AXL: variants seen among roughly 807,000 people sequenced by gnomAD.
The protein encoded by AXL is tyrosine-protein kinase receptor UFO.
Under a neutral mutation model 104.5 loss-of-function variants are expected in AXL, and 52 were observed. The ratio of observed to expected loss-of-function variants is 0.50; its 90% CI spans 0.40 to 0.63. The LOEUF (loss-of-function observed/expected upper bound fraction) is 0.63, where lower values mean the gene tolerates loss of function less well. Among genes scored for constraint, AXL ranks in the 20% least tolerant of loss-of-function variants. The pLI is 0.00. For synonymous variants in AXL, 455 were observed against 473.7 expected (o/e 0.96, Z 0.51); for missense variants, 1,024 against 1,188.5 (o/e 0.86, Z 2.04).
intron 4 of AXL, among the ~76,000 whole-genome samples, chr19:41,224,665 G>A (rs780412772): frequency 1.1e-4 from 17 of 152,046 alleles, no homozygotes; most frequent in East Asian, 1.9e-4. Flanking sequence ...ATTTACAGGC[G>A]TGAGCCACTG....
At position 41,239,212 on chromosome 19, in the gene AXL, G is replaced by A. The variant is rs2122237645; in HGVS notation, c.1183G>A (p.Gly395Arg). ...GCAAGAGGTGACCCTGGAGCTGCAG[G>A]GGGACGGGTCTGTGTCCAATCTGAC... is the stretch of plus-strand genomic sequence containing the variant. ...LRQEVTLELQGDGSVSNLTVC... is the reference protein window; with the variant it reads ...LRQEVTLELQRDGSVSNLTVC... Residue 395 changes from glycine to arginine, a missense_variant, in exon 9 of 20, where the codon GGG (glycine) becomes AGG (arginine). Transcript: ENST00000301178. 6.2e-7 allele frequency: 1 copy of A among 1,613,216 alleles called. No individual in the cohort carries two copies. Among genetic ancestry groups the A allele is most frequent in the Non-Finnish European group, 8.5e-7 (1 of 1,179,530 alleles).
intron 19 of AXL, among the ~76,000 whole-genome samples, chr19:41,258,702 C>A (rs2034491449): frequency 6.6e-6 from 1 of 152,260 alleles, no homozygotes; most frequent in Non-Finnish European, 1.5e-5. Context: ...AGGCATGAGC[C>A]TCCACGCCCA....
Position 41,219,327 on chromosome 19 carries a change from GGA to G in AXL, c.-65_-64del. The G allele has an allele frequency of 6.8e-7, 1 of 1,481,396 alleles. No individual in the cohort carries two copies. Among genetic ancestry groups the G allele is most frequent in the South Asian group, 1.2e-5 (1 of 81,040 alleles). The allele number at this position is 1,481,396 out of a possible 1,614,324, so 91.8% of individuals were successfully genotyped here. On this transcript the variant is annotated 5_prime_UTR_variant, in exon 1 of 20. Transcript: ENST00000301178. ...AGCCTGGAGCTGGGGGGAGGGCCGG[GGA>G]CAGCCCGGCCCTGCCCCCTCCCCCG...
rs71175697 is a variant in AXL at position 41,235,369 on chromosome 19, AATAGATAGATAGATAGATAG to A, written c.784-2551_784-2532del. Among the ~76,000 whole-genome samples the A allele has an allele frequency of 7.6e-4, 61 of 80,676 alleles. 1 individual carries two copies. Among genetic ancestry groups the A allele is most frequent in the East Asian group, 6.8e-3 (21 of 3,092 alleles). 52.9% of individuals were successfully genotyped at this position (80,676 alleles called of 152,430 possible). A position where few individuals can be genotyped will look rare whatever the true frequency, so the allele number is the denominator to read the frequency against. ...TCCATCTCAAATAAATAAATAAATA[AATAGATAGATAGATAGATAG>A]ATAGATAGATAGATAGATAGATAAT... On this transcript the variant is annotated intron_variant, in intron 6 of 19. Coordinates refer to ENST00000301178, the MANE Select transcript of AXL (RefSeq NM_021913.5).
intron 10 of AXL, among the ~76,000 whole-genome samples, chr19:41,242,261 G>T (rs1599735806): frequency 6.8e-6 from 1 of 147,984 alleles, no homozygotes; most frequent in African/African-American, 2.5e-5. Context: ...CTTGAACCCT[G>T]AACCCTCAGG....
At position 41,249,411 on chromosome 19, in the gene AXL, T is replaced by C. The variant is rs1268817875; in HGVS notation, c.1711+591T>C. Among the ~76,000 whole-genome samples, 9 of 152,174 alleles carry C rather than the reference T, an allele frequency of 5.9e-5. No homozygotes were observed. The East Asian group carries it at 1.7e-3, about 29-fold the overall frequency. Reference sequence around the variant, plus strand: ...CAGAGGTTGCAGTCAGCTATGATCATGCCACTGCACTCCAATCTGGGTGAC... The same window carrying C: ...CAGAGGTTGCAGTCAGCTATGATCACGCCACTGCACTCCAATCTGGGTGAC... On this transcript the variant is annotated intron_variant, in intron 14 of 19. Coordinates refer to ENST00000301178, the MANE Select transcript of AXL (RefSeq NM_021913.5).
At position 41,252,975 on chromosome 19, in the gene AXL, G is replaced by T; in HGVS notation, c.1926+8G>T. 6.2e-7 allele frequency: 1 copy of T among 1,613,964 alleles called. No individual in the cohort carries two copies. Among genetic ancestry groups the T allele is most frequent in the East Asian group, 2.2e-5 (1 of 44,886 alleles). ...CTCGGGGACCAGCCAGTGGTAAGGG[G>T]CGTTTAATCATTCAGTCTACAAATA... On this transcript the variant is annotated splice_region_variant and intron_variant, in intron 16 of 19. Transcript: ENST00000301178.
intron 13 of AXL, 66 bp downstream of exon 13, chr19:41,248,675 A>G (rs1278917995): frequency 1.2e-6 from 2 of 1,611,324 alleles, no homozygotes; most frequent in Non-Finnish European, 1.7e-6. Flanking sequence ...CCACACTCCC[A>G]CCCAACTATA....
chr19:41,238,480 C>T lies in AXL; in HGVS notation c.1005C>T (p.Gly335=), dbSNP rs1832408222. 1.2e-6 allele frequency: 2 copies of T among 1,610,806 alleles called. No individual in the cohort carries two copies. Among genetic ancestry groups the T allele is most frequent in the Non-Finnish European group, 1.7e-6 (2 of 1,177,492 alleles). ...TTCCCTGTCCTCCAGTGCCCCTGGG[C>T]CCCCCTGAGAACATTAGTGCTACGC... is the stretch of plus-strand genomic sequence containing the variant. ...PVETPEGVPL[G]PPENISATRN... is the part of the protein sequence containing the mutation. Residue 335 remains glycine (G), a synonymous_variant, in exon 8 of 20, where the codon GGC becomes GGT. Transcript: ENST00000301178.
In AXL at chr19:41,238,142, A is replaced by G; in HGVS notation, c.982A>G (p.Thr328Ala). Residue 328 changes from threonine (T) to alanine (A), a missense_variant, in exon 7 of 20, where the codon ACG (threonine) becomes GCG (alanine). This residue lies in a region of AXL where 332 missense variants were observed against 343.9 expected (regional missense o/e 0.97). Transcript: ENST00000301178. ...SSWTHWLPVE[T>A]PEGVPLGPPE... ...CTGGACCCACTGGCTTCCTGTGGAG[A>G]CGCCGGAGGGAGGTAAGAAGGGTTG... 6.2e-7 allele frequency: 1 copy of G among 1,613,776 alleles called. No homozygotes were observed. The highest frequency in any genetic ancestry group is 8.5e-7 in the Non-Finnish European group (1 of 1,179,928).
At chr19:41,242,779 A>T (rs2034205541) in intron 10 of AXL, 104 bp from the exon 11 acceptor site, 16 of 1,456,338 alleles carry the variant, frequency 1.1e-5, no homozygotes, top group Non-Finnish European at 1.5e-5. Context: ...GTATGTGCAC[A>T]TCTTTGCCGA....
At chr19:41,252,247 T>C in intron 14 of AXL, 104 bp from the exon 15 acceptor site, 1 of 966,680 alleles carries the variant, frequency 1.0e-6, no homozygotes, top group Admixed American at 2.0e-5. Flanking sequence ...TCATGTTTGA[T>C]GAAGATGAGT....
At chr19:41,239,629 T>C in intron 9 of AXL, 65 bp from the exon 10 acceptor site, 1 of 1,600,212 alleles carries the variant, frequency 6.2e-7, no homozygotes, top group Non-Finnish European at 8.6e-7. Context: ...CCTTACTCCC[T>C]TACCCGTGCC....
intron 12 of AXL, 114 bp downstream of exon 12, chr19:41,243,821 C>A: frequency 1.2e-6 from 1 of 813,352 alleles, no homozygotes; most frequent in Non-Finnish European, 2.1e-6. Context: ...CCTTGGGATA[C>A]TAGAATGTCA....
chr19:41,238,422 G>A (rs376067926), intron 7 of AXL, 48 bp from the exon 8 acceptor site: 17 of 1,590,694 alleles, frequency 1.1e-5, no homozygotes, highest in East Asian at 9.0e-5. Flanking sequence ...AGGGGAGGGG[G>A]TCAGGAAGAG....
chr19:41,239,836 A>C, intron 10 of AXL, 116 bp downstream of exon 10: 1 of 1,423,364 alleles, frequency 7.0e-7, no homozygotes, highest in Non-Finnish European at 9.9e-7. Context: ...CATCACTCTA[A>C]CCTACTTCTT....
At chr19:41,236,204 A>C (rs527568180) in intron 6 of AXL, among the ~76,000 whole-genome samples, 112 of 152,064 alleles carry the variant, frequency 7.4e-4, no homozygotes, top group Admixed American at 2.8e-3. Flanking sequence ...ATGGTGGCAC[A>C]TGACTGTAGC....
chr19:41,238,595 C>T lies in AXL; in HGVS notation c.1120C>T (p.Gln374Ter). ...LLGYRLAYQG[Q>*]DTPEVLMDIG... ...AGGGTACCGGCTGGCGTATCAAGGC[C>T]AGGACACCCCAGAGGTGGGTGCTGC... Residue 374 changes from glutamine to a stop codon, truncating the protein, a stop_gained, in exon 8 of 20, where the codon CAG (glutamine) becomes TAG (stop). Coordinates refer to ENST00000301178, the MANE Select transcript of AXL (RefSeq NM_021913.5). LOFTEE classifies it high-confidence loss of function. 4 of 1,610,708 alleles carry T rather than the reference C, an allele frequency of 2.5e-6. No individual in the cohort carries two copies. The highest frequency in any genetic ancestry group is 3.4e-6 in the Non-Finnish European group (4 of 1,177,850).
rs1400494539 is a variant in AXL, at chr19:41,237,927, C to A, written c.784-17C>A. 3 of 1,610,796 alleles carry A rather than the reference C, an allele frequency of 1.9e-6. No homozygotes were observed. The highest frequency in any genetic ancestry group is 2.5e-6 in the Non-Finnish European group (3 of 1,177,086). Reference sequence around the variant, plus strand: ...ATTGCTTGGCTGTCCCGTCCTCACACCCTTGCCTCTCCTCAGGCTGTGCTG... The same window carrying A: ...ATTGCTTGGCTGTCCCGTCCTCACAACCTTGCCTCTCCTCAGGCTGTGCTG... On this transcript the variant is annotated splice_polypyrimidine_tract_variant and intron_variant, in intron 6 of 19. Transcript: ENST00000301178.
Sources: allele counts gnomAD v4.1 joint callset (sites outside exome capture counted in the v4.1 genomes callset), GRCh38; gene constraint gnomAD v4.1.1; regional missense constraint gnomAD v4.1.1; transcripts MANE v1.5; gene names NCBI Gene and HGNC (gene_info 2026-07-23, HGNC 2026-07-21).